The following MICU3 variants were observed in gnomAD, a reference collection of about 807,000 sequenced individuals.
MICU3 encodes the protein mitochondrial calcium uptake 3, also known as calcium uptake protein 3, mitochondrial.
Under a neutral mutation model 66.5 loss-of-function variants are expected in MICU3, and 62 were observed. The observed-to-expected ratio is 0.93, with a 90% CI of 0.76 to 1.15. The LOEUF (loss-of-function observed/expected upper bound fraction) is 1.15, where lower values mean the gene tolerates loss of function less well. Among genes scored for constraint, MICU3 ranks in the 50% most tolerant of loss-of-function variants. The pLI is 0.00. For missense variants in MICU3, 779 were observed against 664.4 expected, an observed-to-expected ratio of 1.17 and a Z score of -1.90; for synonymous variants, 308 against 240.7, an observed-to-expected ratio of 1.28 and a Z score of -2.59.
chr8:17,046,148 A>G (rs1815046715), intron 1 of MICU3, among the ~76,000 whole-genome samples: 1 of 152,236 alleles, frequency 6.6e-6, no homozygotes, highest in Non-Finnish European at 1.5e-5. Flanking sequence ...GCTTGAAGCT[A>G]GTCAGTCAGA....
At position 17,037,043 on chromosome 8, in the gene MICU3, C is replaced by T. The variant is rs180776416; in HGVS notation, c.381+9383C>T. Among the ~76,000 whole-genome samples the T allele has an allele frequency of 9.3e-3, 1,417 of 152,346 alleles. 14 individuals are homozygous for T. Among genetic ancestry groups the T allele is most frequent in the Middle Eastern group, 0.031 (9 of 294 alleles). On this transcript the variant is annotated intron_variant, in intron 1 of 14. Transcript: ENST00000318063. ...CTGCTGGGGGACCCAGTACACCTTC[C>T]GCAGCCACTGGCCCGGGTGCTAAGT...
At chr8:17,114,463 G>A (rs1004295020) in intron 12 of MICU3, among the ~76,000 whole-genome samples, 1 of 152,114 alleles carries the variant, frequency 6.6e-6, no homozygotes, top group Non-Finnish European at 1.5e-5. Flanking sequence ...TTACAGGGTG[G>A]TATTTTATTT....
chr8:17,084,452 GT>G (rs1211319354), intron 5 of MICU3, among the ~76,000 whole-genome samples: 1 of 150,746 alleles, frequency 6.6e-6, no homozygotes, highest in Non-Finnish European at 1.5e-5. Flanking sequence ...GGTAGCAAAT[GT>G]ATCTGTGGGG....
At chr8:17,132,352 C>G in the MICU3 span, 1 of 152,182 alleles carries the variant, frequency 6.6e-6, no homozygotes, top group Non-Finnish European at 1.5e-5. Flanking sequence ...TTTCGCCCAC[C>G]TCCAGCCAGA....
chr8:17,132,385 C>G, the MICU3 span: 1 of 152,172 alleles, frequency 6.6e-6, no homozygotes, highest in Non-Finnish European at 1.5e-5. Flanking sequence ...AATTCAAACT[C>G]TCATTCCTGA....
At chr8:17,116,720 T>C in intron 13 of MICU3, 120 bp downstream of exon 13, 1 of 736,274 alleles carries the variant, frequency 1.4e-6, no homozygotes, top group Non-Finnish European at 2.1e-6. Flanking sequence ...AATGCTTTAT[T>C]TGAAAAGAAA....
At chr8:17,119,532 CATAGATAG>C (rs10524011) in intron 14 of MICU3, among the ~76,000 whole-genome samples, 4,081 of 124,064 alleles carry the variant, frequency 0.033, 74 homozygotes, top group Middle Eastern at 0.061. Flanking sequence ...AAGCTTGAAG[CATAGATAG>C]ATAGATAGAT....
At chr8:17,131,973 A>G in the MICU3 span, 2 of 152,200 alleles carry the variant, frequency 1.3e-5, no homozygotes, top group African/African-American at 2.4e-5. Flanking sequence ...TTCTACGCAC[A>G]CTTGAATGCC....
intron 1 of MICU3, among the ~76,000 whole-genome samples, chr8:17,043,398 A>G (rs1461137830): frequency 3.3e-5 from 5 of 152,192 alleles, no homozygotes; most frequent in Non-Finnish European, 5.9e-5. Flanking sequence ...TAATCTGACA[A>G]TAAGAGGTTA....
chr8:17,066,957 G>T (rs142695252), intron 2 of MICU3, among the ~76,000 whole-genome samples: 4 of 152,058 alleles, frequency 2.6e-5, no homozygotes, highest in African/African-American at 9.7e-5. Flanking sequence ...AATAACTTTT[G>T]TGGTGATTCT....
At chr8:17,048,016 C>T (rs6988267) in intron 1 of MICU3, among the ~76,000 whole-genome samples, 25,708 of 152,044 alleles carry the variant, frequency 0.17, 4,151 homozygotes, top group African/African-American at 0.42. Context: ...TGGGCCATGA[C>T]GAGTTAAAGT....
chr8:17,041,271 T>TA (rs398067626), intron 1 of MICU3, among the ~76,000 whole-genome samples: 109 of 135,434 alleles, frequency 8.0e-4, no homozygotes, highest in East Asian at 1.5e-3. Flanking sequence ...CAAGACAGGT[T>TA]AAAAAAAAAA....
chr8:17,079,515 G>A (rs183105633), intron 4 of MICU3, among the ~76,000 whole-genome samples: 218 of 152,048 alleles, frequency 1.4e-3, no homozygotes, highest in African/African-American at 4.7e-3. Flanking sequence ...TAGAGCTATT[G>A]AAGACTAATT....
At chr8:17,055,086 A>G (rs1816720599) in intron 1 of MICU3, among the ~76,000 whole-genome samples, 1 of 152,178 alleles carries the variant, frequency 6.6e-6, no homozygotes, top group Non-Finnish European at 1.5e-5. Context: ...GGTCAGAGTT[A>G]CGGAAGCATT....
intron 1 of MICU3, among the ~76,000 whole-genome samples, chr8:17,052,315 T>C (rs1246103537): frequency 6.6e-6 from 1 of 152,188 alleles, no homozygotes; most frequent in Non-Finnish European, 1.5e-5. Flanking sequence ...GGTATTTAGG[T>C]TATCCATCCC....
intron 7 of MICU3, 50 bp from the exon 8 acceptor site, chr8:17,090,496 G>A: frequency 6.5e-7 from 1 of 1,546,514 alleles, no homozygotes; most frequent in Non-Finnish European, 8.8e-7. Flanking sequence ...CTGTACTTGG[G>A]TTCATTCTGA....
downstream of MICU3, among the ~76,000 whole-genome samples, chr8:17,125,481 A>G (rs144052427): frequency 1.2e-3 from 178 of 152,264 alleles, no homozygotes; most frequent in African/African-American, 3.8e-3. Flanking sequence ...AAGAAATTTG[A>G]ATCTCTGTGT....
At chr8:17,116,868 G>A (rs1262584440) in intron 13 of MICU3, among the ~76,000 whole-genome samples, 1 of 152,128 alleles carries the variant, frequency 6.6e-6, no homozygotes, top group Non-Finnish European at 1.5e-5. Flanking sequence ...GTTTGTGGAA[G>A]AAAAATGTTG....
chr8:17,134,043 T>C, the MICU3 span: 1 of 152,234 alleles, frequency 6.6e-6, no homozygotes, highest in South Asian at 2.1e-4. Context: ...TTCAGATGAA[T>C]ATTAGAATTG....
Sources: allele counts gnomAD v4.1 joint callset (sites outside exome capture counted in the v4.1 genomes callset), GRCh38; gene constraint gnomAD v4.1.1; transcripts MANE v1.5; gene names NCBI Gene and HGNC (gene_info 2026-07-23, HGNC 2026-07-21).